The following PHF21B variants were observed in gnomAD, a reference collection of about 807,000 sequenced individuals.
The protein encoded by PHF21B is PHD finger protein 4.
In PHF21B, 22 loss-of-function variants were observed where a neutral mutation model predicts 62.2. The ratio of observed to expected loss-of-function variants is 0.35; its 90% confidence interval spans 0.25 to 0.51. The LOEUF (loss-of-function observed/expected upper bound fraction) is 0.51, where lower values mean the gene tolerates loss of function less well. Ranked by LOEUF, PHF21B falls within the 20% of genes least tolerant of loss-of-function variation. The pLI is 0.97. For synonymous variants in PHF21B, 341 were observed against 314.7 expected, an observed-to-expected ratio of 1.08 and a Z score of -0.88; for missense variants, 701 against 707.9, an observed-to-expected ratio of 0.99 and a Z score of 0.11.
intron 2 of PHF21B, chr22:44,989,419 C>CA (rs1477078533): frequency 6.6e-6 from 1 of 152,072 alleles, no homozygotes; most frequent in African/African-American, 2.4e-5. Flanking sequence ...AACGTGAATC[C>CA]AACGGGTTAA....
intron 5 of PHF21B, among the ~76,000 whole-genome samples, chr22:44,902,919 C>A (rs1027974543): frequency 5.3e-5 from 8 of 152,312 alleles, no homozygotes; most frequent in African/African-American, 1.7e-4. Flanking sequence ...ATTACATTAG[C>A]CTTCTAGAAG....
intron 3 of PHF21B, 115 bp from the exon 4 acceptor site, chr22:44,916,745 G>C (rs2071442795): frequency 1.0e-5 from 10 of 953,134 alleles, no homozygotes; most frequent in Non-Finnish European, 1.6e-5. Flanking sequence ...GCACTGGAAA[G>C]AGCACAGCGC....
intron 5 of PHF21B, among the ~76,000 whole-genome samples, chr22:44,897,347 C>A (rs2071079361): frequency 6.6e-6 from 1 of 152,038 alleles, no homozygotes; most frequent in South Asian, 2.1e-4. Flanking sequence ...TGAGTGTGGG[C>A]AGGATTGAAA....
intron 7 of PHF21B, among the ~76,000 whole-genome samples, chr22:44,892,704 G>T (rs2147257903): frequency 6.6e-6 from 1 of 152,328 alleles, no homozygotes; most frequent in East Asian, 1.9e-4. Context: ...CCCTAAGAAA[G>T]CCCTGAGCCT....
chr22:44,886,125 G>A (rs1247905032), intron 10 of PHF21B, among the ~76,000 whole-genome samples, 187 bp from the exon 11 acceptor site: 1 of 152,072 alleles, frequency 6.6e-6, no homozygotes, highest in Non-Finnish European at 1.5e-5. Flanking sequence ...GCTCCACGAG[G>A]CTGGAACATT....
At chr22:44,927,698 C>A (rs929366542) in intron 2 of PHF21B, among the ~76,000 whole-genome samples, 4 of 152,144 alleles carry the variant, frequency 2.6e-5, no homozygotes, top group Non-Finnish European at 4.4e-5. Context: ...CCCTACAAAC[C>A]TTTAATTAGC....
chr22:45,000,671 G>C (rs1457035222), intron 2 of PHF21B: 3 of 152,196 alleles, frequency 2.0e-5, no homozygotes, highest in African/African-American at 7.2e-5. Flanking sequence ...GGACTCTTTG[G>C]AGTGGCTGAT....
At chr22:45,005,873 C>T (rs1358643732) in intron 2 of PHF21B, among the ~76,000 whole-genome samples, 1 of 152,200 alleles carries the variant, frequency 6.6e-6, no homozygotes, top group Admixed American at 6.5e-5. Flanking sequence ...CTGTGACACA[C>T]TTGCCTTTTC....
At chr22:45,002,937 C>CA (rs1335577771) in intron 2 of PHF21B, 5 of 152,272 alleles carry the variant, frequency 3.3e-5, no homozygotes, top group Admixed American at 2.6e-4. Flanking sequence ...ATCCGCTCCC[C>CA]AGGAGGCCCT....
intron 2 of PHF21B, among the ~76,000 whole-genome samples, chr22:44,953,268 T>C (rs989560320): frequency 5.3e-5 from 8 of 152,156 alleles, no homozygotes; most frequent in Non-Finnish European, 1.0e-4. Flanking sequence ...AATTTCCCAG[T>C]TTGTTTTAAG....
At chr22:44,888,226 C>T (rs941672651) in intron 9 of PHF21B, 105 bp from the exon 10 acceptor site, 21 of 1,227,982 alleles carry the variant, frequency 1.7e-5, no homozygotes, top group Admixed American at 1.0e-4. Flanking sequence ...TACATGTGGC[C>T]GCTCTTCTGC....
At chr22:44,928,526 C>T (rs755573659) in intron 2 of PHF21B, among the ~76,000 whole-genome samples, 1 of 152,192 alleles carries the variant, frequency 6.6e-6, no homozygotes, top group African/African-American at 2.4e-5. Context: ...TCTCCTGCCT[C>T]AGCCTCCCGA....
At chr22:44,932,125 G>C (rs1451264474) in intron 2 of PHF21B, among the ~76,000 whole-genome samples, 2 of 152,220 alleles carry the variant, frequency 1.3e-5, no homozygotes, top group Non-Finnish European at 2.9e-5. Context: ...ACCTCCACTG[G>C]GAAGACCCGG....
intron 2 of PHF21B, among the ~76,000 whole-genome samples, chr22:44,990,547 C>T (rs914194298): frequency 5.3e-5 from 8 of 152,166 alleles, no homozygotes; most frequent in Admixed American, 2.0e-4. Flanking sequence ...GAGTATATTA[C>T]GCTAAGTGAA....
intron 2 of PHF21B, among the ~76,000 whole-genome samples, chr22:44,945,017 C>T (rs1302531349): frequency 1.3e-5 from 2 of 152,264 alleles, no homozygotes; most frequent in South Asian, 2.1e-4. Flanking sequence ...TACCGGGCTG[C>T]GCCTGCACCT....
chr22:45,000,709 G>C (rs1459952914), intron 2 of PHF21B: 1 of 152,122 alleles, frequency 6.6e-6, no homozygotes, highest in Non-Finnish European at 1.5e-5. Context: ...CATAGTGGTC[G>C]TCAACCTTTA....
In PHF21B at chr22:44,882,744, A is replaced by T; in HGVS notation, c.*342T>A. 3.8e-6 allele frequency: 1 copy of T among 261,230 alleles called. No homozygotes were observed. The allele number at this position is 261,230 out of a possible 1,614,324, so 16.2% of individuals were successfully genotyped here. A position where few individuals can be genotyped will look rare whatever the true frequency, so the allele number is the denominator to read the frequency against. On this transcript the variant is annotated 3_prime_UTR_variant, in exon 13 of 13. Transcript: ENST00000313237. ...GCGTGCTTGTCCCCTCCACAGCCTC[A>T]GCCTGCCCCTCCAACGGGCCAGAGG...
chr22:44,947,905 ACTC>A (rs1440407642), intron 2 of PHF21B, among the ~76,000 whole-genome samples: 1 of 145,514 alleles, frequency 6.9e-6, no homozygotes, highest in Non-Finnish European at 1.5e-5. Context: ...AGCTGGAGGA[ACTC>A]CTCCTGCATC....
At chr22:44,947,927 G>C (rs2072108225) in intron 2 of PHF21B, among the ~76,000 whole-genome samples, 1 of 151,978 alleles carries the variant, frequency 6.6e-6, no homozygotes, top group Admixed American at 6.5e-5. Context: ...TCCACACCCA[G>C]ACAATGACCG....
Sources: allele counts gnomAD v4.1 joint callset (sites outside exome capture counted in the v4.1 genomes callset), GRCh38; gene constraint gnomAD v4.1.1; transcripts MANE v1.5; gene names NCBI Gene and HGNC (gene_info 2026-07-23, HGNC 2026-07-21).